ATP10B: variants seen among roughly 807,000 people sequenced by gnomAD.
The protein encoded by ATP10B is phospholipid-transporting ATPase VB.
Under a neutral mutation model 141.2 loss-of-function variants are expected in ATP10B, and 122 were observed. The ratio of observed to expected loss-of-function variants is 0.86; its 90% CI spans 0.75 to 1.00. ATP10B has a LOEUF of 1.00. Among genes scored for constraint, ATP10B ranks in the 50% least tolerant of loss-of-function variants. The pLI is 0.00. For synonymous variants in ATP10B, 685 were observed against 692.0 expected (o/e 0.99, Z 0.16); for missense variants, 1,876 against 1,825.3 (o/e 1.03, Z -0.51).
chr5:160,715,836 G>C (rs1356530216), intron 3 of ATP10B, among the ~76,000 whole-genome samples: 1 of 151,866 alleles, frequency 6.6e-6, no homozygotes, highest in Non-Finnish European at 1.5e-5. Context: ...TCAGCCTCCT[G>C]AGTAGCTGGG....
At chr5:160,770,148 GT>G (rs1436698988) in intron 2 of ATP10B, among the ~76,000 whole-genome samples, 8 of 152,020 alleles carry the variant, frequency 5.3e-5, no homozygotes, top group Non-Finnish European at 1.2e-4. Flanking sequence ...CTGTGTCTCT[GT>G]CTCTCTTTTT....
the ATP10B span, among the ~76,000 whole-genome samples, chr5:160,857,797 A>C: frequency 6.6e-6 from 1 of 151,740 alleles, no homozygotes; most frequent in African/African-American, 2.4e-5. Flanking sequence ...TTAATTTTCA[A>C]GTGTTTTCAG....
intron 2 of ATP10B, among the ~76,000 whole-genome samples, chr5:160,749,546 TCA>T (rs1457368385): frequency 2.2e-4 from 33 of 152,246 alleles, no homozygotes; most frequent in African/African-American, 7.7e-4. Flanking sequence ...CTCACGACTG[TCA>T]CTATCATCCC....
chr5:160,586,849 A>G (rs947500597), intron 24 of ATP10B, among the ~76,000 whole-genome samples: 2 of 152,144 alleles, frequency 1.3e-5, no homozygotes, highest in African/African-American at 4.8e-5. Flanking sequence ...AGTTCCTTGT[A>G]GATTCTAGAT....
At chr5:160,670,889 G>C (rs186768086) in intron 6 of ATP10B, among the ~76,000 whole-genome samples, 1 of 151,890 alleles carries the variant, frequency 6.6e-6, no homozygotes, top group Non-Finnish European at 1.5e-5. Context: ...GTCTTTGGCC[G>C]GGTGTGGTGG....
At chr5:160,826,767 T>G (rs1292225990) in intron 1 of ATP10B, among the ~76,000 whole-genome samples, 5 of 152,120 alleles carry the variant, frequency 3.3e-5, no homozygotes, top group African/African-American at 9.7e-5. Flanking sequence ...TGTGGGGAAG[T>G]CTATAAACGG....
rs1581184572 is a variant in ATP10B, at chr5:160,602,661, A to G, written c.3279T>C (p.His1093=). The part of the protein sequence containing the change: ...SSDFAITRFK[H]LKKLLLVHGH... ...CATGCACGAGCAGCAACTTCTTGAG[A>G]TGCTTAAAGCGGGTGATGGCAAAGT... Residue 1093 remains histidine, a synonymous_variant, in exon 21 of 26, where the codon CAT becomes CAC. Coordinates refer to ENST00000327245, the MANE Select transcript of ATP10B (RefSeq NM_025153.3). 1.9e-6 allele frequency: 3 copies of G among 1,613,958 alleles called. No individual in the cohort carries two copies. In the African/African-American group the frequency reaches 4.0e-5, roughly 22 times the overall value.
At chr5:160,581,499 C>T (rs1035875492) in intron 24 of ATP10B, among the ~76,000 whole-genome samples, 44 of 152,150 alleles carry the variant, frequency 2.9e-4, no homozygotes, top group African/African-American at 1.0e-3. Flanking sequence ...TTTGATTGTG[C>T]TGTGGTCTGA....
intron 2 of ATP10B, among the ~76,000 whole-genome samples, chr5:160,764,753 T>C (rs1769283738): frequency 6.6e-6 from 1 of 152,048 alleles, no homozygotes; most frequent in South Asian, 2.1e-4. Flanking sequence ...GCATCCACAT[T>C]GACAAAGAGG....
the ATP10B span, among the ~76,000 whole-genome samples, chr5:160,912,297 C>T: frequency 6.6e-6 from 1 of 151,776 alleles, no homozygotes; most frequent in Non-Finnish European, 1.5e-5. Flanking sequence ...AATAATTCAG[C>T]CTGGTGCAGT....
chr5:160,922,265 G>A, the ATP10B span, among the ~76,000 whole-genome samples: 2 of 152,184 alleles, frequency 1.3e-5, no homozygotes, highest in Non-Finnish European at 2.9e-5. Flanking sequence ...CTGGTTGAGT[G>A]TCTTGTAGCA....
At chr5:160,879,540 A>G in the ATP10B span, among the ~76,000 whole-genome samples, 1 of 151,054 alleles carries the variant, frequency 6.6e-6, no homozygotes, top group African/African-American at 2.4e-5. Context: ...GTAAAATTAA[A>G]AAAAAAAAAA....
chr5:160,868,198 A>G, the ATP10B span, among the ~76,000 whole-genome samples: 1 of 152,150 alleles, frequency 6.6e-6, no homozygotes, highest in African/African-American at 2.4e-5. Flanking sequence ...GTGGCGTAGC[A>G]GCTAATTTTG....
rs1015323532 is a variant in ATP10B at position 160,728,459 on chromosome 5, G to A, written c.-330-11425C>T. Reference sequence around the variant, plus strand: ...TACCATGGCTCAAGGGAGCTTCTCCGGGTGGCAACACTGTGTATGTTGTCT... The same window carrying A: ...TACCATGGCTCAAGGGAGCTTCTCCAGGTGGCAACACTGTGTATGTTGTCT... On this transcript the variant is annotated intron_variant, in intron 2 of 25. Transcript: ENST00000327245. Among the ~76,000 whole-genome samples, 14 of 152,136 alleles carry A rather than the reference G, an allele frequency of 9.2e-5. No homozygotes were observed. The East Asian group carries it at 1.9e-3, about 21-fold the overall frequency.
intron 13 of ATP10B, among the ~76,000 whole-genome samples, 156 bp from the exon 14 acceptor site, chr5:160,622,741 T>C (rs1443697529): frequency 1.3e-5 from 2 of 152,220 alleles, no homozygotes; most frequent in African/African-American, 4.8e-5. Flanking sequence ...CCAATTCTTA[T>C]TTGAGTCCTT....
At position 160,670,682 on chromosome 5, in the gene ATP10B, A is replaced by C; in HGVS notation, c.471-15T>G. The C allele has an allele frequency of 6.2e-7, 1 of 1,610,818 alleles. No individual in the cohort carries two copies. The highest frequency in any genetic ancestry group is 8.5e-7 in the Non-Finnish European group (1 of 1,178,338). ...TCTGCTCTTTTCTTGGGTGAGAGAA[A>C]GACAGGGTGTGAGTGAGCTTTAAGT... is the stretch of plus-strand genomic sequence containing the variant. On this transcript the variant is annotated splice_polypyrimidine_tract_variant and intron_variant, in intron 6 of 25. Coordinates refer to ENST00000327245, the MANE Select transcript of ATP10B (RefSeq NM_025153.3).
chr5:160,804,301 T>C (rs893627511), intron 1 of ATP10B, among the ~76,000 whole-genome samples: 9 of 152,204 alleles, frequency 5.9e-5, no homozygotes, highest in Non-Finnish European at 1.2e-4. Context: ...CTCATATGTG[T>C]GTATGTGATA....
At chr5:160,727,685 A>G (rs1260052567) in intron 2 of ATP10B, among the ~76,000 whole-genome samples, 2 of 152,166 alleles carry the variant, frequency 1.3e-5, no homozygotes, top group Non-Finnish European at 2.9e-5. Flanking sequence ...CTATGTGGTC[A>G]TACAACCCAT....
At chr5:160,747,019 G>A (rs533478511) in intron 2 of ATP10B, among the ~76,000 whole-genome samples, 1 of 152,308 alleles carries the variant, frequency 6.6e-6, no homozygotes, top group Non-Finnish European at 1.5e-5. Context: ...AGCTGCCTAG[G>A]TTTTAAACAA....
Sources: allele counts gnomAD v4.1 joint callset (sites outside exome capture counted in the v4.1 genomes callset), GRCh38; gene constraint gnomAD v4.1.1; transcripts MANE v1.5; gene names NCBI Gene and HGNC (gene_info 2026-07-23, HGNC 2026-07-21).